The following SPACDR variants were observed in gnomAD, a reference collection of about 807,000 sequenced individuals.
SPACDR encodes the protein sperm acrosome developmental regulator, also known as uncharacterized protein C7orf61.
At chr7:100,459,005 T>C in the SPACDR span, among the ~76,000 whole-genome samples, 90 of 148,238 alleles carry the variant, frequency 6.1e-4, no homozygotes, top group African/African-American at 1.6e-3. Context: ...TTTTACCTTT[T>C]TTTTTTTTTT....
chr7:100,461,458 T>C, the SPACDR span, among the ~76,000 whole-genome samples: 3 of 151,504 alleles, frequency 2.0e-5, no homozygotes, highest in South Asian at 2.1e-4. Flanking sequence ...TTGTATTTTT[T>C]GTAGAGAGAG....
the SPACDR span, among the ~76,000 whole-genome samples, chr7:100,458,065 T>C: frequency 1.1e-3 from 171 of 151,872 alleles, no homozygotes; most frequent in Admixed American, 2.3e-3. Context: ...AGAGATCCTG[T>C]GCACCCTTTA....
At chr7:100,460,848 C>T in the SPACDR span, among the ~76,000 whole-genome samples, 1 of 152,002 alleles carries the variant, frequency 6.6e-6, no homozygotes, top group African/African-American at 2.4e-5. Flanking sequence ...CTGTGTTGCC[C>T]AGGCTGGGCT....
At chr7:100,458,973 G>A in the SPACDR span, among the ~76,000 whole-genome samples, 2 of 150,202 alleles carry the variant, frequency 1.3e-5, no homozygotes, top group African/African-American at 2.5e-5. Context: ...CCACGTTACT[G>A]TGTGTATCAA....
At chr7:100,463,742 C>A in the SPACDR span, 1 of 1,470,944 alleles carries the variant, frequency 6.8e-7, no homozygotes, top group East Asian at 2.3e-5. Context: ...GCAGAGACAA[C>A]ACCATCCACA....
the SPACDR span, chr7:100,464,096 G>GGGGGT: frequency 6.9e-7 from 1 of 1,448,612 alleles, no homozygotes. Context: ...GGCGGGTGGG[G>GGGGGT]GATGGGGTGG....
chr7:100,463,883 A>C, the SPACDR span: 1 of 1,486,628 alleles, frequency 6.7e-7, no homozygotes, highest in Non-Finnish European at 9.2e-7. Flanking sequence ...GAAGGGAGGG[A>C]ACCCACGCAG....
chr7:100,457,803 A>ATATGTGTGTGTGTGTGTGTGTG, the SPACDR span, among the ~76,000 whole-genome samples: 4 of 72,588 alleles, frequency 5.5e-5, no homozygotes, highest in Middle Eastern at 0.011. Flanking sequence ...ATATATATAT[A>ATATGTGTGTGTGTGTGTGTGTG]TGTGTGTGTG....
At chr7:100,456,770 A>G in the SPACDR span, 2 of 1,610,568 alleles carry the variant, frequency 1.2e-6, no homozygotes, top group South Asian at 2.2e-5. Context: ...GACTTTGGGC[A>G]TCCAGTTTCA....
the SPACDR span, chr7:100,456,695 G>C: frequency 8.7e-7 from 1 of 1,144,666 alleles, no homozygotes; most frequent in Non-Finnish European, 1.2e-6. Flanking sequence ...TGAAGGGGCT[G>C]ATATGGGACC....
At chr7:100,458,858 C>T in the SPACDR span, among the ~76,000 whole-genome samples, 27 of 151,676 alleles carry the variant, frequency 1.8e-4, no homozygotes, top group Non-Finnish European at 3.8e-4. Context: ...AGCTGGGAGG[C>T]GGAGGTTGCA....
At chr7:100,459,844 G>A in the SPACDR span, among the ~76,000 whole-genome samples, 1 of 151,938 alleles carries the variant, frequency 6.6e-6, no homozygotes, top group South Asian at 2.1e-4. Flanking sequence ...AAGGACATGG[G>A]TTGATTTTGG....
the SPACDR span, chr7:100,463,506 A>T: frequency 2.3e-5 from 37 of 1,613,834 alleles, no homozygotes; most frequent in Non-Finnish European, 3.1e-5. Flanking sequence ...GTCTTGGCCA[A>T]CACGCAGGGA....
At chr7:100,463,507 C>T in the SPACDR span, 6 of 1,614,002 alleles carry the variant, frequency 3.7e-6, no homozygotes, top group Non-Finnish European at 3.4e-6. Flanking sequence ...TCTTGGCCAA[C>T]ACGCAGGGAT....
At chr7:100,463,845 C>T in the SPACDR span, 1 of 1,327,124 alleles carries the variant, frequency 7.5e-7, no homozygotes, top group Non-Finnish European at 1.1e-6. Context: ...CCTTCCTCCC[C>T]ACTCCATCTT....
chr7:100,464,102 G>A, the SPACDR span: 1 of 1,507,308 alleles, frequency 6.6e-7, no homozygotes, highest in Non-Finnish European at 8.9e-7. Context: ...TGGGGGATGG[G>A]GTGGGCTGTG....
the SPACDR span, among the ~76,000 whole-genome samples, chr7:100,458,438 G>T: frequency 5.9e-5 from 9 of 152,132 alleles, no homozygotes; most frequent in Non-Finnish European, 1.2e-4. Flanking sequence ...CAGAACATTT[G>T]CATCATCACA....
the SPACDR span, among the ~76,000 whole-genome samples, chr7:100,458,000 T>G: frequency 1.3e-5 from 2 of 151,618 alleles, no homozygotes; most frequent in Non-Finnish European, 2.9e-5. Flanking sequence ...TTTTTTTGTT[T>G]TGTTTTGTTT....
the SPACDR span, among the ~76,000 whole-genome samples, chr7:100,457,978 C>G: frequency 2.8e-4 from 42 of 151,144 alleles, no homozygotes; most frequent in Middle Eastern, 3.4e-3. Flanking sequence ...TCGCCACGCT[C>G]GGCTTAAACT....
Sources: allele counts gnomAD v4.1 joint callset (sites outside exome capture counted in the v4.1 genomes callset), GRCh38; gene constraint gnomAD v4.1.1; transcripts MANE v1.5; gene names NCBI Gene and HGNC (gene_info 2026-07-23, HGNC 2026-07-21).